The following GPR162 variants were observed in gnomAD, a reference collection of about 807,000 sequenced individuals.
The protein encoded by GPR162 is probable G protein-coupled receptor 162.
GPR162 carries 26 observed loss-of-function variants against 44.9 expected under a neutral mutation model. That is an observed-to-expected ratio of 0.58 (90% CI 0.42 to 0.80). The LOEUF (loss-of-function observed/expected upper bound fraction) is 0.80. Among genes scored for constraint, GPR162 ranks in the 30% least tolerant of loss-of-function variants. GPR162 has a pLI of 0.00. For synonymous variants in GPR162, 363 were observed against 335.2 expected (o/e 1.08, Z -0.91); for missense variants, 704 against 802.3 (o/e 0.88, Z 1.48).
At chr12:6,826,390 C>A in intron 4 of GPR162, 37 bp downstream of exon 4, 1 of 1,562,620 alleles carries the variant, frequency 6.4e-7, no homozygotes, top group East Asian at 2.3e-5. Context: ...ACCCTTGGTG[C>A]CGCTCATCAC....
At position 6,824,123 on chromosome 12, in the gene GPR162, GCGT is replaced by G; in HGVS notation, c.230_232del (p.Arg77del). 1 of 1,613,974 alleles carries G rather than the reference GCGT, an allele frequency of 6.2e-7. No individual in the cohort carries two copies. The highest frequency in any genetic ancestry group is 8.5e-7 in the Non-Finnish European group (1 of 1,180,036). On this transcript the variant is annotated inframe_deletion, in exon 2 of 5. Transcript: ENST00000311268. ...TCACCACCTTTGCCGTGGTGCAGCTGCGTCGTCAGGCTTCCTCCGACTATGACT... is the reference window on the plus strand; with the variant it reads ...TCACCACCTTTGCCGTGGTGCAGCTGCGTCAGGCTTCCTCCGACTATGACT...
In GPR162 at chr12:6,827,169, C is replaced by T. The variant is rs1555120506; in HGVS notation, c.1732C>T (p.Pro578Ser). Residue 578 changes from proline (P) to serine (S), a missense_variant, in exon 5 of 5, where the codon CCA (proline) becomes TCA (serine). Physicochemically the swap from Pro to Ser is moderately conservative, Grantham distance 74 (BLOSUM62 -1). This residue lies in a region of GPR162 where 404 missense variants were observed against 314.1 expected (regional missense o/e 1.29). Transcript: ENST00000311268. Reference sequence around the variant, plus strand: ...AAGGGCTTGGGGAGGATCCTGGGGCCCAGGCAACCCCATCTTTCCCCAGCT... The same window carrying T: ...AAGGGCTTGGGGAGGATCCTGGGGCTCAGGCAACCCCATCTTTCCCCAGCT... ...SARAWGGSWGPGNPIFPQLTL is the reference protein window; with the variant it reads ...SARAWGGSWGSGNPIFPQLTL 1.9e-6 allele frequency: 3 copies of T among 1,611,610 alleles called. No homozygotes were observed. The highest frequency in any genetic ancestry group is 1.7e-6 in the Non-Finnish European group (2 of 1,179,154).
rs1438912558 is a variant in GPR162 at position 6,827,112 on chromosome 12, C to T, written c.1675C>T (p.Arg559Cys). 1.9e-5 allele frequency: 30 copies of T among 1,612,438 alleles called. No homozygotes were observed. The highest frequency in any genetic ancestry group is 3.3e-5 in the Admixed American group (2 of 60,010). ...GLPLGLSAGR[R>C]CSLTGGEESA... ...TCCTTTGGGACTAAGCGCAGGGAGA[C>T]GCTGCTCCCTGACGGGGGGTGAAGA... The change falls in exon 5 of 5, where the codon CGC (arginine) becomes TGC (cysteine). Residue 559 changes from arginine to cysteine, a missense_variant. This residue lies in a region of GPR162 where 404 missense variants were observed against 314.1 expected (regional missense o/e 1.29). Coordinates refer to ENST00000311268, the MANE Select transcript of GPR162 (RefSeq NM_019858.2).
At position 6,826,750 on chromosome 12, in the gene GPR162, A is replaced by G. The variant is rs1039240609; in HGVS notation, c.1313A>G (p.Asp438Gly). The change falls in exon 5 of 5, where the codon GAC (aspartate) becomes GGC (glycine). Residue 438 changes from aspartate to glycine, a missense_variant. This residue lies in a region of GPR162 where 404 missense variants were observed against 314.1 expected (regional missense o/e 1.29). Transcript: ENST00000311268. ...CTGCACAAGTGGTCATCCTCTGATG[A>G]CATCCGGGTCCTCCCAGCCCAGAGC... ...SFLHKWSSSD[D>G]IRVLPAQSRA... 1.9e-6 allele frequency: 3 copies of G among 1,599,876 alleles called. No homozygotes were observed. Among genetic ancestry groups the G allele is most frequent in the South Asian group, 1.1e-5 (1 of 89,188 alleles).
chr12:6,825,734 T>G (rs1176672929), intron 3 of GPR162, 61 bp downstream of exon 3: 2 of 1,422,180 alleles, frequency 1.4e-6, no homozygotes, highest in Non-Finnish European at 1.9e-6. Flanking sequence ...TTTCTGCCGC[T>G]CCTTCTCAGC....
rs782741889 is a variant in GPR162, at chr12:6,826,280, A to C, written c.1142A>C (p.Asp381Ala). ...GGAGCCACAGGACCAGGGAGCCGGGACCCCGCCCAGGTGAAGCTGCTGCCT... is the reference window on the plus strand; with the variant it reads ...GGAGCCACAGGACCAGGGAGCCGGGCCCCCGCCCAGGTGAAGCTGCTGCCT... ...ANGATGPGSR[D>A]PAQVKLLPGR... The change falls in exon 4 of 5, where the codon GAC (aspartate) becomes GCC (alanine). Residue 381 changes from aspartate (D) to alanine (A), a missense_variant. Coordinates refer to ENST00000311268, the MANE Select transcript of GPR162 (RefSeq NM_019858.2). The C allele has an allele frequency of 1.9e-6, 3 of 1,613,856 alleles. No homozygotes were observed. In the South Asian group the frequency reaches 3.3e-5, roughly 18 times the overall value.
Position 6,823,820 on chromosome 12 carries a change from G to A in GPR162, c.-79G>A. On this transcript the variant is annotated 5_prime_UTR_variant, in exon 2 of 5. In the 5' UTR this introduces an upstream ATG that the reference lacks. Coordinates refer to ENST00000311268, the MANE Select transcript of GPR162 (RefSeq NM_019858.2). ...GGCGAGGATTGTGGGGATCATGGGA[G>A]TGTTTGTGAGTGGGGCTCCTGGGTG... The A allele has an allele frequency of 3.1e-6, 5 of 1,603,326 alleles. No individual in the cohort carries two copies. Among genetic ancestry groups the A allele is most frequent in the African/African-American group, 1.3e-5 (1 of 74,864 alleles).
rs1555119885 is a variant in GPR162 at position 6,825,601 on chromosome 12, C to T, written c.985C>T (p.Arg329Cys). The T allele has an allele frequency of 3.8e-6, 6 of 1,598,494 alleles. No individual in the cohort carries two copies. Among genetic ancestry groups the T allele is most frequent in the East Asian group, 2.3e-5 (1 of 43,914 alleles). ...GCCCTCCTTCATCTGGTCCTGCGAGCGCTACCGCGCCGACGTGCGCACAGT... is the reference window on the plus strand; with the variant it reads ...GCCCTCCTTCATCTGGTCCTGCGAGTGCTACCGCGCCGACGTGCGCACAGT... ...LLPSFIWSCERYRADVRTVWE... is the reference protein window; with the variant it reads ...LLPSFIWSCECYRADVRTVWE... The change falls in exon 3 of 5, where the codon CGC becomes TGC. Residue 329 changes from arginine (R) to cysteine (C), a missense_variant. Arg to Cys is a radical substitution (Grantham distance 180, BLOSUM62 -3). Coordinates refer to ENST00000311268, the MANE Select transcript of GPR162 (RefSeq NM_019858.2).
chr12:6,823,797 C>G lies in GPR162; in HGVS notation c.-102C>G. The G allele has an allele frequency of 6.2e-7, 1 of 1,611,576 alleles. No individual in the cohort carries two copies. Among genetic ancestry groups the G allele is most frequent in the South Asian group, 1.1e-5 (1 of 90,738 alleles). ...GGGGGCAGCCTGCCTGCTGACAGGG[C>G]GAGGATTGTGGGGATCATGGGAGTG... On this transcript the variant is annotated 5_prime_UTR_variant, in exon 2 of 5. Coordinates refer to ENST00000311268, the MANE Select transcript of GPR162 (RefSeq NM_019858.2).
rs1943302183 is a variant in GPR162, at chr12:6,822,827, T to G, written c.-431-641T>G. On this transcript the variant is annotated intron_variant, in intron 1 of 4. Transcript: ENST00000311268. This position sits in a 1 kb window ranked among gnomAD's most constrained non-coding sequence, Gnocchi z 4.2. ...ACCACTTTGCCCCCTCTTTCTCTTC[T>G]GCTCAAACTCTCCTCCTTCTCCCTA... Among the ~76,000 whole-genome samples, 1 of 152,002 alleles carries G rather than the reference T, an allele frequency of 6.6e-6. No homozygotes were observed.
rs1205124533 is a variant in GPR162 at position 6,822,076 on chromosome 12, G to A, written c.-432+176G>A. 6.6e-6 allele frequency among the ~76,000 whole-genome samples: 1 copy of A among 152,168 alleles called. No homozygotes were observed. The highest frequency in any genetic ancestry group is 1.9e-4 in the East Asian group (1 of 5,192). On this transcript the variant is annotated intron_variant, in intron 1 of 4. Transcript: ENST00000311268. This position sits in a 1 kb window ranked among gnomAD's most constrained non-coding sequence, Gnocchi z 4.2. ...ACCTTACCCCTTCACCCCAAAGGGC[G>A]AGGGACCCCGTCGGCCAGGGAACCT...
At position 6,826,958 on chromosome 12, in the gene GPR162, C is replaced by G. The variant is rs782641467; in HGVS notation, c.1521C>G (p.Thr507=). The G allele has an allele frequency of 5.0e-6, 8 of 1,613,390 alleles. No homozygotes were observed. The highest frequency in any genetic ancestry group is 3.3e-5 in the South Asian group (3 of 91,082). ...GCTTCTTCCGGGAGGAGATCACCACCTTCATCGATGAGACACCTCTGCCTT... is the reference window on the plus strand; with the variant it reads ...GCTTCTTCCGGGAGGAGATCACCACGTTCATCGATGAGACACCTCTGCCTT... ...GPGFFREEIT[T]FIDETPLPSP... is the part of the protein sequence containing the mutation. Residue 507 remains threonine (T), a synonymous_variant, in exon 5 of 5, where the codon ACC becomes ACG. Coordinates refer to ENST00000311268, the MANE Select transcript of GPR162 (RefSeq NM_019858.2).
At position 6,822,095 on chromosome 12, in the gene GPR162, G is replaced by GGAAC. The variant is rs1175520817; in HGVS notation, c.-432+196_-432+199dup. ...AAGGGCGAGGGACCCCGTCGGCCAGGGAACCTCCCAGATCCCCCTTCCCAC... is the reference window on the plus strand; with the variant it reads ...AAGGGCGAGGGACCCCGTCGGCCAGGGAACGAACCTCCCAGATCCCCCTTCCCAC... On this transcript the variant is annotated intron_variant, in intron 1 of 4. Coordinates refer to ENST00000311268, the MANE Select transcript of GPR162 (RefSeq NM_019858.2). The surrounding 1 kb of genome is among the most constrained non-coding windows in gnomAD (Gnocchi z 4.2). Among the ~76,000 whole-genome samples the GGAAC allele has an allele frequency of 1.3e-5, 2 of 152,154 alleles. No homozygotes were observed. The highest frequency in any genetic ancestry group is 2.9e-5 in the Non-Finnish European group (2 of 68,018).
intron 3 of GPR162, 82 bp downstream of exon 3, chr12:6,825,755 G>C: frequency 7.7e-7 from 1 of 1,295,898 alleles, no homozygotes; most frequent in Non-Finnish European, 1.1e-6. Context: ...CAGAGGATGG[G>C]CTGCCCTGGA....
intron 2 of GPR162, chr12:6,824,971 C>T: frequency 1.4e-6 from 1 of 700,922 alleles, no homozygotes; most frequent in Non-Finnish European, 2.6e-6. Flanking sequence ...CCCTGTTTAC[C>T]CCAGCTCCAG....
intron 3 of GPR162, among the ~76,000 whole-genome samples, 197 bp from the exon 4 acceptor site, chr12:6,825,999 A>G (rs1026428512): frequency 6.6e-6 from 1 of 152,154 alleles, no homozygotes; most frequent in Non-Finnish European, 1.5e-5. Context: ...TTGTTTCAAT[A>G]ACTTCATCTA....
At chr12:6,826,008 T>A (rs782283137) in intron 3 of GPR162, among the ~76,000 whole-genome samples, 188 bp from the exon 4 acceptor site, 36 of 152,174 alleles carry the variant, frequency 2.4e-4, no homozygotes, top group Admixed American at 1.2e-3. Context: ...TAACTTCATC[T>A]ATATGTATGA....
At position 6,824,726 on chromosome 12, in the gene GPR162, C is replaced by T; in HGVS notation, c.828C>T (p.Ile276=). The T allele has an allele frequency of 6.2e-7, 1 of 1,613,840 alleles. No individual in the cohort carries two copies. Among genetic ancestry groups the T allele is most frequent in the Non-Finnish European group, 8.5e-7 (1 of 1,180,002 alleles). ...SLQVTNLVSA[I]VFLYDSLTGV... is the part of the protein sequence containing the mutation. ...AGGTCACCAACTTGGTCAGCGCCAT[C>T]GTCTTTCTCTATGACTCACTCACAG... Residue 276 remains isoleucine (I), a synonymous_variant, in exon 2 of 5, where the codon ATC becomes ATT. Transcript: ENST00000311268.
Position 6,824,453 on chromosome 12 carries a change from C to G in GPR162, c.555C>G (p.Leu185=). The part of the protein sequence containing the change: ...IGLGFGVCFS[L]LLLGGIVMGL... ...TCGGCTTTGGCGTTTGCTTCAGCCT[C>G]TTGCTACTTGGGGGAATTGTCATGG... Residue 185 remains leucine, a synonymous_variant, in exon 2 of 5, where the codon CTC becomes CTG. Transcript: ENST00000311268. 1 of 1,614,072 alleles carries G rather than the reference C, an allele frequency of 6.2e-7. No homozygotes were observed.
Sources: gnomAD v4.1 joint callset for allele counts (sites outside exome capture counted in the v4.1 genomes callset) on GRCh38, gnomAD v4.1.1 for gene constraint, gnomAD v4.1.1 regional missense constraint, Gnocchi (gnomAD v3.1) non-coding constraint, MANE v1.5 for transcripts, NCBI Gene and HGNC (gene_info 2026-07-23, HGNC 2026-07-21) for gene names.